Variants in RAB31 observed in about 807,000 individuals in gnomAD.
The protein encoded by RAB31 is ras-related protein Rab-31.
RAB31 carries 21 observed loss-of-function variants against 25.6 expected under a neutral mutation model. That is an observed-to-expected ratio of 0.82 (90% CI 0.58 to 1.18). The LOEUF (loss-of-function observed/expected upper bound fraction) is 1.18, where lower values mean the gene tolerates loss of function less well. RAB31 is among the 50% of genes most tolerant of loss of function. The pLI, the probability that RAB31 is intolerant of heterozygous loss-of-function variation, is 0.00. For missense variants in RAB31, 196 were observed against 250.1 expected (o/e 0.78, Z 1.46); for synonymous variants, 87 against 84.0 (o/e 1.04, Z -0.20).
At chr18:9,833,419 T>C (rs1035825354) in intron 5 of RAB31, among the ~76,000 whole-genome samples, 2 of 152,160 alleles carry the variant, frequency 1.3e-5, no homozygotes, top group Admixed American at 6.5e-5. Context: ...GGGTCCAGAG[T>C]ACCTGCTGGT....
intron 5 of RAB31, among the ~76,000 whole-genome samples, chr18:9,824,057 C>T (rs1345606567): frequency 1.3e-5 from 2 of 152,234 alleles, no homozygotes; most frequent in Non-Finnish European, 2.9e-5. Context: ...CTCTAAACCC[C>T]AGACCTTATT....
chr18:9,855,890 G>T lies in RAB31; in HGVS notation c.491-3338G>T, dbSNP rs570674569. Among the ~76,000 whole-genome samples the T allele has an allele frequency of 3.3e-5, 5 of 152,204 alleles. No homozygotes were observed. In the South Asian group the frequency reaches 1.0e-3, roughly 32 times the overall value. On this transcript the variant is annotated intron_variant, in intron 6 of 6. Transcript: ENST00000578921. ...CCGCCATGCAAAACCCATGAGCCGT[G>T]CCCAGAAGCCCTCAACTGCTGGGGA...
intron 1 of RAB31, among the ~76,000 whole-genome samples, chr18:9,733,993 A>G (rs1414571703): frequency 1.3e-5 from 2 of 151,662 alleles, no homozygotes; most frequent in South Asian, 2.1e-4. Context: ...ATTAATACAA[A>G]TGTAAAGAGG....
chr18:9,762,094 C>T (rs762882562), intron 1 of RAB31, among the ~76,000 whole-genome samples: 1 of 152,164 alleles, frequency 6.6e-6, no homozygotes, highest in South Asian at 2.1e-4. Flanking sequence ...ACGTATGAGC[C>T]ACCATGCCCG....
At chr18:9,845,780 C>A in intron 6 of RAB31, 89 bp downstream of exon 6, 3 of 1,426,044 alleles carry the variant, frequency 2.1e-6, no homozygotes, top group Non-Finnish European at 2.8e-6. Flanking sequence ...CTGAAGTGAA[C>A]TTTTCCTCTG....
chr18:9,764,800 T>C (rs2068306916), intron 1 of RAB31, among the ~76,000 whole-genome samples: 1 of 152,190 alleles, frequency 6.6e-6, no homozygotes, highest in Admixed American at 6.5e-5. Context: ...CTCATTAATG[T>C]CCACGGGGCA....
intron 3 of RAB31, among the ~76,000 whole-genome samples, chr18:9,810,851 G>A (rs570914785): frequency 6.6e-6 from 1 of 151,974 alleles, no homozygotes; most frequent in East Asian, 1.9e-4. Context: ...CTCTTATATG[G>A]AGGCTATTTT....
At chr18:9,758,157 A>G (rs565758391) in intron 1 of RAB31, 2 of 152,336 alleles carry the variant, frequency 1.3e-5, no homozygotes, top group South Asian at 4.1e-4. Context: ...GTCCCATTAA[A>G]TGTTGCTCTC....
rs935920539 is a variant in RAB31 at position 9,845,639 on chromosome 18, T to G, written c.438T>G (p.Val146=). The change falls in exon 6 of 7, where the codon GTT becomes GTG. Residue 146 remains valine, a synonymous_variant. Transcript: ENST00000578921. Reference sequence around the variant, plus strand: ...CTGAATCCATAGGTGCCATCGTGGTTGAGACAAGTGCAAAAAATGCTATTA... The same window carrying G: ...CTGAATCCATAGGTGCCATCGTGGTGGAGACAAGTGCAAAAAATGCTATTA... ...EYAESIGAIV[V]ETSAKNAINI... is the part of the protein sequence containing the mutation. 12 of 1,569,498 alleles carry G rather than the reference T, an allele frequency of 7.6e-6. No homozygotes were observed. Among genetic ancestry groups the G allele is most frequent in the African/African-American group, 1.3e-5 (1 of 74,118 alleles).
At chr18:9,771,637 T>G (rs1207064920) in intron 1 of RAB31, among the ~76,000 whole-genome samples, 1 of 152,188 alleles carries the variant, frequency 6.6e-6, no homozygotes, top group East Asian at 1.9e-4. Flanking sequence ...GCTCCTGGCC[T>G]GTCCTCAGCA....
At chr18:9,824,251 T>A (rs890364910) in intron 5 of RAB31, among the ~76,000 whole-genome samples, 3 of 151,850 alleles carry the variant, frequency 2.0e-5, no homozygotes, top group African/African-American at 7.3e-5. Flanking sequence ...GATGTATGTG[T>A]GTATGAGTGT....
At chr18:9,730,288 CTTT>C (rs34004989) in intron 1 of RAB31, among the ~76,000 whole-genome samples, 5 of 140,888 alleles carry the variant, frequency 3.5e-5, no homozygotes, top group Non-Finnish European at 3.1e-5. Flanking sequence ...CTCACCTTAT[CTTT>C]TTTTTTTTTT....
rs568687620 is a variant in RAB31, at chr18:9,807,490, A to T, written c.202-6530A>T. ...GACATACCTAGGAGTGGGGTGGGGC[A>T]TAGTTCTGGAGTTTTAGGAAATTCC... On this transcript the variant is annotated intron_variant, in intron 3 of 6. Coordinates refer to ENST00000578921, the MANE Select transcript of RAB31 (RefSeq NM_006868.4). 2.6e-5 allele frequency among the ~76,000 whole-genome samples: 4 copies of T among 152,354 alleles called. No individual in the cohort carries two copies. The East Asian group carries it at 7.7e-4, about 29-fold the overall frequency.
intron 5 of RAB31, among the ~76,000 whole-genome samples, chr18:9,827,950 T>C (rs569244877): frequency 1.3e-4 from 20 of 152,192 alleles, no homozygotes; most frequent in African/African-American, 4.6e-4. Flanking sequence ...TCTGATGCAG[T>C]CCAGAAAGGA....
chr18:9,820,012 A>G (rs1292442200), intron 5 of RAB31, among the ~76,000 whole-genome samples: 1 of 151,950 alleles, frequency 6.6e-6, no homozygotes, highest in Non-Finnish European at 1.5e-5. Flanking sequence ...AATAAAGACT[A>G]TTTTACTTCT....
intron 1 of RAB31, among the ~76,000 whole-genome samples, chr18:9,752,211 AGCTTG>A (rs2068238702): frequency 6.6e-6 from 1 of 151,904 alleles, no homozygotes; most frequent in Admixed American, 6.6e-5. Context: ...CTGTGACACC[AGCTTG>A]GCTGTTTTAT....
chr18:9,783,552 CA>C (rs1218741132), intron 2 of RAB31, among the ~76,000 whole-genome samples: 3 of 144,822 alleles, frequency 2.1e-5, no homozygotes, highest in Admixed American at 7.3e-5. Flanking sequence ...ATCTGACTAA[CA>C]TCAAAAGTGA....
At chr18:9,754,560 G>A (rs150374913) in intron 1 of RAB31, among the ~76,000 whole-genome samples, 2 of 152,136 alleles carry the variant, frequency 1.3e-5, no homozygotes, top group African/African-American at 4.8e-5. Context: ...GATTACAGGC[G>A]TGAGTCACTG....
rs191002806 is a variant in RAB31, at chr18:9,845,485, A to T, written c.381-97A>T. On this transcript the variant is annotated intron_variant, in intron 5 of 6. Transcript: ENST00000578921. Reference sequence around the variant, plus strand: ...TTGAATTATTATTCTACAAGAAGATAAAGGAGCTGTTGCCGCACAAGCTGT... The same window carrying T: ...TTGAATTATTATTCTACAAGAAGATTAAGGAGCTGTTGCCGCACAAGCTGT... The T allele has an allele frequency of 3.9e-4, 397 of 1,018,598 alleles. 1 individual carries two copies. The highest frequency in any genetic ancestry group is 5.2e-4 in the Non-Finnish European group (377 of 725,752). 63.1% of individuals were successfully genotyped at this position (1,018,598 alleles called of 1,614,324 possible). A position where few individuals can be genotyped will look rare whatever the true frequency, so the allele number is the denominator to read the frequency against.
Sources: allele counts gnomAD v4.1 joint callset (sites outside exome capture counted in the v4.1 genomes callset), GRCh38; gene constraint gnomAD v4.1.1; transcripts MANE v1.5; gene names NCBI Gene and HGNC (gene_info 2026-07-23, HGNC 2026-07-21).